GNG4: variants seen among roughly 807,000 people sequenced by gnomAD.
The protein encoded by GNG4 is guanine nucleotide-binding protein G(I)/G(S)/G(O) subunit gamma-4.
In GNG4, 4 loss-of-function variants were observed where a neutral mutation model predicts 5.8. The observed-to-expected ratio is 0.69, with a 90% confidence interval of 0.34 to 1.57. GNG4 has a LOEUF of 1.57. Among genes scored for constraint, GNG4 ranks in the 40% most tolerant of loss-of-function variants. GNG4 has a pLI of 0.06. For missense variants in GNG4, 96 were observed against 95.1 expected, an observed-to-expected ratio of 1.01 and a Z score of -0.04; for synonymous variants, 29 against 32.9, an observed-to-expected ratio of 0.88 and a Z score of 0.41.
At position 235,556,556 on chromosome 1, in the gene GNG4, C is replaced by CA. The variant is rs35257216; in HGVS notation, c.100-4320dup. 3.3e-3 allele frequency among the ~76,000 whole-genome samples: 292 copies of CA among 87,268 alleles called. 2 individuals carry two copies. The highest frequency in any genetic ancestry group is 6.2e-3 in the African/African-American group (145 of 23,310). The allele number at this position is 87,268 out of a possible 152,430, so 57.3% of individuals were successfully genotyped here. Reference sequence around the variant, plus strand: ...CTGGCGACAGAGTGAGACTCTGTCTCAAAAAAAAAAAAAAAAAAAAAAGAG... The same window carrying CA: ...CTGGCGACAGAGTGAGACTCTGTCTCAAAAAAAAAAAAAAAAAAAAAAAGAG... On this transcript the variant is annotated intron_variant, in intron 3 of 3. Transcript: ENST00000391854.
At chr1:235,626,088 C>A (rs567339988) in intron 1 of GNG4, among the ~76,000 whole-genome samples, 1 of 152,246 alleles carries the variant, frequency 6.6e-6, no homozygotes, top group East Asian at 1.9e-4. Flanking sequence ...GATCCTGGCC[C>A]GCTTTGTGTA....
chr1:235,612,776 G>A (rs1484538592), intron 1 of GNG4, among the ~76,000 whole-genome samples: 1 of 152,184 alleles, frequency 6.6e-6, no homozygotes, highest in African/African-American at 2.4e-5. Context: ...ACCCGCCTTG[G>A]CCTCCCAAAG....
intron 1 of GNG4, among the ~76,000 whole-genome samples, chr1:235,606,944 CT>C (rs1181596456): frequency 0.034 from 4,253 of 123,662 alleles, 105 homozygotes; most frequent in African/African-American, 0.12. Context: ...CCTTTCTTTC[CT>C]TTTTTTTTTT....
At chr1:235,581,637 A>C (rs368261543) in intron 3 of GNG4, among the ~76,000 whole-genome samples, 1 of 151,502 alleles carries the variant, frequency 6.6e-6, no homozygotes, top group African/African-American at 2.4e-5. Flanking sequence ...AGGCCTCCGC[A>C]CCCTCCGCCC....
At chr1:235,620,093 G>T (rs1156287367) in intron 1 of GNG4, among the ~76,000 whole-genome samples, 2 of 152,328 alleles carry the variant, frequency 1.3e-5, no homozygotes, top group East Asian at 3.9e-4. Flanking sequence ...GTTGGGCGTG[G>T]TGGCTCACGC....
chr1:235,645,385 T>G (rs187849885), intron 1 of GNG4, among the ~76,000 whole-genome samples: 33 of 152,326 alleles, frequency 2.2e-4, no homozygotes, highest in African/African-American at 7.7e-4. Flanking sequence ...TTGCTAGAAA[T>G]CTCTCAATTT....
At chr1:235,579,480 C>T (rs187111322) in intron 3 of GNG4, among the ~76,000 whole-genome samples, 185 of 150,892 alleles carry the variant, frequency 1.2e-3, no homozygotes, top group African/African-American at 4.3e-3. Flanking sequence ...TGTGGAGAAA[C>T]GGGAATTCCT....
intron 1 of GNG4, chr1:235,615,948 T>A: frequency 3.2e-6 from 1 of 309,016 alleles, no homozygotes; most frequent in East Asian, 9.9e-5. Flanking sequence ...CACTCTGGCC[T>A]GGGTGATCAC....
intron 1 of GNG4, among the ~76,000 whole-genome samples, chr1:235,639,694 C>T (rs938928171): frequency 5.3e-5 from 8 of 152,194 alleles, no homozygotes; most frequent in Admixed American, 1.3e-4. Flanking sequence ...TCAGTAGAGA[C>T]GGGGTTTCAC....
At chr1:235,618,900 C>G (rs1193509248) in intron 1 of GNG4, among the ~76,000 whole-genome samples, 1 of 151,338 alleles carries the variant, frequency 6.6e-6, no homozygotes, top group Non-Finnish European at 1.5e-5. Context: ...AAGTGATCCT[C>G]CCACCTTGGC....
intron 1 of GNG4, among the ~76,000 whole-genome samples, chr1:235,606,959 T>C (rs1277963790): frequency 6.7e-6 from 1 of 148,772 alleles, no homozygotes; most frequent in Non-Finnish European, 1.5e-5. Flanking sequence ...TTTTTTTTTT[T>C]TTTTTGAGAC....
intron 3 of GNG4, among the ~76,000 whole-genome samples, chr1:235,556,908 G>T (rs1686924557): frequency 6.6e-6 from 1 of 151,928 alleles, no homozygotes; most frequent in Non-Finnish European, 1.5e-5. Context: ...TAAGGAGCTT[G>T]CAACCTAGAT....
chr1:235,606,097 A>T (rs972217354), intron 1 of GNG4, among the ~76,000 whole-genome samples: 1 of 151,884 alleles, frequency 6.6e-6, no homozygotes, highest in Non-Finnish European at 1.5e-5. Flanking sequence ...GGTCACTTCA[A>T]CCTAGTGTGG....
At chr1:235,566,451 C>T (rs1687199472) in intron 3 of GNG4, among the ~76,000 whole-genome samples, 1 of 152,186 alleles carries the variant, frequency 6.6e-6, no homozygotes, top group African/African-American at 2.4e-5. Context: ...GTCACTGTCT[C>T]CCAACACCTG....
At chr1:235,564,243 A>C (rs564923390) in intron 3 of GNG4, among the ~76,000 whole-genome samples, 10 of 152,286 alleles carry the variant, frequency 6.6e-5, no homozygotes, top group African/African-American at 1.9e-4. Context: ...AAAGATGGGA[A>C]TAGGAGACAC....
At chr1:235,554,367 C>T (rs1404146299) in intron 3 of GNG4, among the ~76,000 whole-genome samples, 1 of 152,190 alleles carries the variant, frequency 6.6e-6, no homozygotes, top group Non-Finnish European at 1.5e-5. Context: ...GTTAGGACAG[C>T]CACTAAATTC....
intron 2 of GNG4, 46 bp from the exon 3 acceptor site, chr1:235,583,894 G>C (rs746884624): frequency 2.4e-5 from 30 of 1,254,810 alleles, no homozygotes; most frequent in Non-Finnish European, 3.5e-5. Flanking sequence ...GCTCTTCCAA[G>C]GGTAGGGGAA....
intron 2 of GNG4, among the ~76,000 whole-genome samples, chr1:235,589,446 G>A (rs1190497006): frequency 2.0e-5 from 3 of 150,910 alleles, no homozygotes; most frequent in African/African-American, 5.0e-5. Context: ...CGGACAGTGT[G>A]AGAGAGCTGG....
rs1367459219 is a variant in GNG4 at position 235,649,479 on chromosome 1, C to T, written c.-123+183G>A. 6.6e-6 allele frequency among the ~76,000 whole-genome samples: 1 copy of T among 152,096 alleles called. No homozygotes were observed. Among genetic ancestry groups the T allele is most frequent in the Non-Finnish European group, 1.5e-5 (1 of 68,010 alleles). On this transcript the variant is annotated intron_variant, in intron 1 of 3. Coordinates refer to ENST00000391854, the MANE Select transcript of GNG4 (RefSeq NM_001098722.2). This position sits in a 1 kb window ranked among gnomAD's most constrained non-coding sequence, Gnocchi z 5.7. ...CGGCGGGAGGTCCCGGGAGAGGAGG[C>T]CGAGGGAACCACAGGTCTTTGTGTC...
Sources: gnomAD v4.1 joint callset for allele counts (sites outside exome capture counted in the v4.1 genomes callset) on GRCh38, gnomAD v4.1.1 for gene constraint, Gnocchi (gnomAD v3.1) non-coding constraint, MANE v1.5 for transcripts, NCBI Gene and HGNC (gene_info 2026-07-23, HGNC 2026-07-21) for gene names.